KDM4B: variants seen among roughly 807,000 people sequenced by gnomAD.
KDM4B encodes lysine demethylase 4B, also known as lysine-specific demethylase 4B.
A neutral mutation model predicts 125.2 loss-of-function variants in KDM4B; 32 were observed. The observed-to-expected ratio is 0.26, with a 90% CI of 0.19 to 0.34. KDM4B has a LOEUF of 0.34. KDM4B is among the 10% of genes least tolerant of loss of function. KDM4B has a pLI of 1.00. For synonymous variants in KDM4B, 721 were observed against 677.9 expected, an observed-to-expected ratio of 1.06 and a Z score of -0.99; for missense variants, 1,190 against 1,577.7, an observed-to-expected ratio of 0.75 and a Z score of 4.16.
intron 4 of KDM4B, 26 bp from the exon 5 acceptor site, chr19:5,041,111 C>T: frequency 6.6e-7 from 1 of 1,525,484 alleles, no homozygotes; most frequent in Non-Finnish European, 9.1e-7. Context: ...TCACCCTGAG[C>T]TGGTTTTGGG....
At chr19:5,002,346 T>C (rs1427430684) in intron 1 of KDM4B, among the ~76,000 whole-genome samples, 1 of 152,050 alleles carries the variant, frequency 6.6e-6, no homozygotes, top group African/African-American at 2.4e-5. Context: ...TTGTTATTGG[T>C]GTTTGGTTTT....
intron 9 of KDM4B, among the ~76,000 whole-genome samples, chr19:5,090,363 C>T (rs1568291417): frequency 7.5e-6 from 1 of 132,820 alleles, no homozygotes; most frequent in Non-Finnish European, 1.6e-5. Context: ...TCTCTCTCTC[C>T]TCATCTCTCT....
At chr19:5,017,826 C>T (rs546896358) in intron 2 of KDM4B, among the ~76,000 whole-genome samples, 5 of 151,614 alleles carry the variant, frequency 3.3e-5, no homozygotes, top group Non-Finnish European at 5.9e-5. Flanking sequence ...CTGCAAGCTC[C>T]GCCTCCCGGG....
chr19:4,971,754 G>T lies in KDM4B; in HGVS notation c.-109+2524G>T, dbSNP rs1465328277. The stretch of plus-strand genomic sequence containing the variant: ...CAGCTCAGGGAGCAGGCAGGAGGAG[G>T]CGAGGCTGTTGAGGGCCTGAGGTGC... On this transcript the variant is annotated intron_variant, in intron 1 of 22. Transcript: ENST00000159111. The surrounding 1 kb of genome is among the most constrained non-coding windows in gnomAD (Gnocchi z 4.1). Among the ~76,000 whole-genome samples, 1 of 152,186 alleles carries T rather than the reference G, an allele frequency of 6.6e-6. No homozygotes were observed. The highest frequency in any genetic ancestry group is 2.4e-5 in the African/African-American group (1 of 41,420).
At chr19:5,145,002 G>A (rs1294706533) in intron 21 of KDM4B, 100 bp downstream of exon 21, 11 of 1,515,746 alleles carry the variant, frequency 7.3e-6, no homozygotes, top group Non-Finnish European at 9.9e-6. Context: ...GCCTTTGCCT[G>A]GGGCACTGGC....
intron 21 of KDM4B, among the ~76,000 whole-genome samples, chr19:5,146,378 G>C (rs926632240): frequency 6.6e-5 from 10 of 152,260 alleles, no homozygotes; most frequent in African/African-American, 2.4e-4. Flanking sequence ...CCTGCTCCTT[G>C]AGAAGGGGGT....
chr19:5,143,514 G>A (rs2039782080), intron 18 of KDM4B, among the ~76,000 whole-genome samples: 1 of 152,050 alleles, frequency 6.6e-6, no homozygotes, highest in Non-Finnish European at 1.5e-5. Flanking sequence ...CTGTGTCTGG[G>A]GGTGGCCTGC....
chr19:5,039,743 G>T, intron 3 of KDM4B, 93 bp from the exon 4 acceptor site: 1 of 1,384,262 alleles, frequency 7.2e-7, no homozygotes, highest in Non-Finnish European at 9.9e-7. Context: ...ATCTTGGGGG[G>T]TGCTGGTCTC....
chr19:5,008,906 CTTTTTTTTTTTTTT>C (rs200928850), intron 1 of KDM4B, among the ~76,000 whole-genome samples: 52 of 104,418 alleles, frequency 5.0e-4, no homozygotes, highest in East Asian at 4.4e-4. Context: ...TGGCCCCTGC[CTTTTTTTTTTTTTT>C]TTTTTTTTTT....
intron 6 of KDM4B, among the ~76,000 whole-genome samples, chr19:5,048,463 C>T (rs2037105615): frequency 1.3e-5 from 2 of 152,212 alleles, no homozygotes; most frequent in South Asian, 2.1e-4. Context: ...GTGGCGCTCC[C>T]GCCCTTCCCG....
At chr19:4,970,311 G>A (rs572271775) in intron 1 of KDM4B, among the ~76,000 whole-genome samples, 1 of 152,360 alleles carries the variant, frequency 6.6e-6, no homozygotes, top group East Asian at 1.9e-4. Context: ...CACCCTGTGA[G>A]GAAGTGTTCC....
chr19:4,973,686 TGG>T (rs2145281199), intron 1 of KDM4B, among the ~76,000 whole-genome samples: 1 of 152,316 alleles, frequency 6.6e-6, no homozygotes, highest in South Asian at 2.1e-4. Flanking sequence ...TGGTTAGATC[TGG>T]GTCCGTCTAT....
At chr19:5,042,748 C>A (rs1170701092) in intron 5 of KDM4B, among the ~76,000 whole-genome samples, 2 of 151,372 alleles carry the variant, frequency 1.3e-5, no homozygotes, top group African/African-American at 4.8e-5. Context: ...GAGGACAGCA[C>A]CGCGGGGATG....
Position 5,137,291 on chromosome 19 carries a change from A to G in KDM4B, c.2338A>G (p.Asn780Asp). 3 of 1,581,470 alleles carry G rather than the reference A, an allele frequency of 1.9e-6. No homozygotes were observed. The highest frequency in any genetic ancestry group is 2.6e-6 in the Non-Finnish European group (3 of 1,164,024). The change falls in exon 16 of 23, where the codon AAT becomes GAT. Residue 780 changes from asparagine to aspartate, a missense_variant. Coordinates refer to ENST00000159111, the MANE Select transcript of KDM4B (RefSeq NM_015015.3). ...CTATGGCATCCGTCCCGAGCTGGTC[A>G]ATGAAGGCTGGACGTGTTCCCGGTG... ...SCYGIRPELV[N>D]EGWTCSRCAA...
chr19:4,996,300 CTT>C (rs2145406723), intron 1 of KDM4B, among the ~76,000 whole-genome samples: 1 of 152,236 alleles, frequency 6.6e-6, no homozygotes, highest in African/African-American at 2.4e-5. Flanking sequence ...ACTTTTTTCT[CTT>C]TTAAACAATG....
chr19:5,103,825 C>A (rs2038984138), intron 9 of KDM4B, among the ~76,000 whole-genome samples: 1 of 152,200 alleles, frequency 6.6e-6, no homozygotes, highest in Admixed American at 6.5e-5. Flanking sequence ...GTGAGGCTCG[C>A]TCCACACCCT....
At chr19:5,150,767 C>T (rs914690106) in intron 22 of KDM4B, among the ~76,000 whole-genome samples, 2 of 152,186 alleles carry the variant, frequency 1.3e-5, no homozygotes, top group Non-Finnish European at 2.9e-5. Flanking sequence ...CTGCAGGACC[C>T]GCGCTGCCCC....
intron 1 of KDM4B, among the ~76,000 whole-genome samples, chr19:4,970,868 C>T (rs1466947577): frequency 6.6e-6 from 1 of 152,164 alleles, no homozygotes; most frequent in Non-Finnish European, 1.5e-5. Flanking sequence ...CCAGCCTCGT[C>T]TCCGTGTGTC....
intron 20 of KDM4B, 137 bp downstream of exon 20, chr19:5,144,549 G>A: frequency 1.1e-6 from 1 of 914,720 alleles, no homozygotes; most frequent in Non-Finnish European, 1.5e-6. Flanking sequence ...CCCTTCATGG[G>A]GTCCCCTTGT....
Sources: gnomAD v4.1 joint callset for allele counts (sites outside exome capture counted in the v4.1 genomes callset) on GRCh38, gnomAD v4.1.1 for gene constraint, Gnocchi (gnomAD v3.1) non-coding constraint, MANE v1.5 for transcripts, NCBI Gene and HGNC (gene_info 2026-07-23, HGNC 2026-07-21) for gene names.